Variants in CFAP77 observed in about 807,000 individuals in gnomAD.
CFAP77 encodes the protein cilia and flagella associated protein 77, also known as cilia- and flagella-associated protein 77.
CFAP77 carries 25 observed loss-of-function variants against 31.1 expected under a neutral mutation model. The observed-to-expected ratio is 0.80, with a 90% CI of 0.59 to 1.12. The LOEUF (loss-of-function observed/expected upper bound fraction) is 1.12. Ranked by LOEUF, CFAP77 falls within the 50% of genes most tolerant of loss-of-function variation. CFAP77 has a pLI of 0.00. For missense variants in CFAP77, 377 were observed against 397.3 expected (o/e 0.95, Z 0.44); for synonymous variants, 151 against 159.9 (o/e 0.94, Z 0.42).
At position 132,497,295 on chromosome 9, in the gene CFAP77, A is replaced by T. The variant is rs1036146553; in HGVS notation, c.196-1400A>T. ...CTTGACCATCTGTCTACCTCTCAGC[A>T]CCCAGCCTGTGGGAGCTGGAGAGAG... On this transcript the variant is annotated intron_variant, in intron 1 of 5. Transcript: ENST00000393216. This position sits in a 1 kb window ranked among gnomAD's most constrained non-coding sequence, Gnocchi z 4.9. Among the ~76,000 whole-genome samples the T allele has an allele frequency of 2.6e-5, 4 of 152,058 alleles. No individual in the cohort carries two copies. The highest frequency in any genetic ancestry group is 9.7e-5 in the African/African-American group (4 of 41,388).
chr9:132,460,876 C>A (rs1321034629), intron 1 of CFAP77, among the ~76,000 whole-genome samples: 1 of 152,092 alleles, frequency 6.6e-6, no homozygotes, highest in Non-Finnish European at 1.5e-5. Context: ...CAGGTGCCCG[C>A]CACCACGCCC....
intron 5 of CFAP77, among the ~76,000 whole-genome samples, chr9:132,550,288 T>G (rs1488127796): frequency 6.6e-6 from 1 of 152,210 alleles, no homozygotes; most frequent in South Asian, 2.1e-4. Flanking sequence ...ATCACCAGAA[T>G]CGATGAGTAA....
chr9:132,436,381 A>G (rs1850504208), intron 1 of CFAP77, among the ~76,000 whole-genome samples: 1 of 152,136 alleles, frequency 6.6e-6, no homozygotes, highest in African/African-American at 2.4e-5. Flanking sequence ...ATCATCCAGG[A>G]TGATCTCATC....
In CFAP77 at chr9:132,420,590, G is replaced by A. The variant is rs1589839598; in HGVS notation, c.195+10124G>A. 3.3e-5 allele frequency among the ~76,000 whole-genome samples: 5 copies of A among 152,020 alleles called. No individual in the cohort carries two copies. The South Asian group carries it at 1.0e-3, about 32-fold the overall frequency. Reference sequence around the variant, plus strand: ...GCAGGAGAATTGCTTGAACCCAGGAGGTAGAGGTTGCAGTGAGCCAAGATC... The same window carrying A: ...GCAGGAGAATTGCTTGAACCCAGGAAGTAGAGGTTGCAGTGAGCCAAGATC... On this transcript the variant is annotated intron_variant, in intron 1 of 5. Transcript: ENST00000393216.
Position 132,539,174 on chromosome 9 carries a change from T to A in CFAP77, c.630+1468T>A, listed in dbSNP as rs915411092. On this transcript the variant is annotated intron_variant, in intron 4 of 5. Coordinates refer to ENST00000393216, the MANE Select transcript of CFAP77 (RefSeq NM_001282957.2). This position sits in a 1 kb window ranked among gnomAD's most constrained non-coding sequence, Gnocchi z 4.3. ...AACTCGAGCTTTCAGAGAGATCAGA[T>A]TGGCCTCCTCGGCAGTAGGTCCAGA... Among the ~76,000 whole-genome samples the A allele has an allele frequency of 6.6e-6, 1 of 152,194 alleles. No homozygotes were observed. Among genetic ancestry groups the A allele is most frequent in the Admixed American group, 6.6e-5 (1 of 15,266 alleles).
chr9:132,471,286 G>A (rs1180489396), intron 1 of CFAP77, among the ~76,000 whole-genome samples: 2 of 152,194 alleles, frequency 1.3e-5, no homozygotes, highest in African/African-American at 2.4e-5. Flanking sequence ...AGAAGGTCCC[G>A]TAGAATAATC....
intron 1 of CFAP77, among the ~76,000 whole-genome samples, chr9:132,470,887 A>G (rs1851242266): frequency 6.6e-6 from 1 of 152,218 alleles, no homozygotes; most frequent in South Asian, 2.1e-4. Flanking sequence ...CTAAGGCACT[A>G]GAATCACTTG....
intron 1 of CFAP77, among the ~76,000 whole-genome samples, chr9:132,444,277 C>T (rs1403509940): frequency 6.6e-6 from 1 of 152,232 alleles, no homozygotes; most frequent in Non-Finnish European, 1.5e-5. Context: ...CCAAGCAAAC[C>T]TAGAGCCACC....
Position 132,498,435 on chromosome 9 carries a change from A to G in CFAP77, c.196-260A>G, listed in dbSNP as rs1055150509. Among the ~76,000 whole-genome samples, 1 of 152,044 alleles carries G rather than the reference A, an allele frequency of 6.6e-6. No individual in the cohort carries two copies. Among genetic ancestry groups the G allele is most frequent in the Non-Finnish European group, 1.5e-5 (1 of 68,000 alleles). On this transcript the variant is annotated intron_variant, in intron 1 of 5. Transcript: ENST00000393216. This position sits in a 1 kb window ranked among gnomAD's most constrained non-coding sequence, Gnocchi z 4.2. ...CTCCCCACTCCAACAATACACATGT[A>G]CCGAGAGGCCCCCCGTCTCTGATGT...
Position 132,481,564 on chromosome 9 carries a change from C to T in CFAP77, c.196-17131C>T, listed in dbSNP as rs1851447177. On this transcript the variant is annotated intron_variant, in intron 1 of 5. Coordinates refer to ENST00000393216, the MANE Select transcript of CFAP77 (RefSeq NM_001282957.2). This position sits in a 1 kb window ranked among gnomAD's most constrained non-coding sequence, Gnocchi z 5.0. ...TGCTAGAGGAGGAGAAGCATTGCTG[C>T]TGAGGCCTCTGCATCATCTGCCCTA... Among the ~76,000 whole-genome samples the T allele has an allele frequency of 6.6e-6, 1 of 152,170 alleles. No homozygotes were observed. The highest frequency in any genetic ancestry group is 2.1e-4 in the South Asian group (1 of 4,830).
chr9:132,443,644 A>T (rs931643841), intron 1 of CFAP77, among the ~76,000 whole-genome samples: 21 of 152,334 alleles, frequency 1.4e-4, no homozygotes, highest in Admixed American at 7.8e-4. Flanking sequence ...AACAATGCTC[A>T]GTTTGGATTA....
chr9:132,529,670 C>G (rs374387826), intron 3 of CFAP77, among the ~76,000 whole-genome samples: 38 of 151,754 alleles, frequency 2.5e-4, no homozygotes, highest in African/African-American at 8.9e-4. Flanking sequence ...ACTAAAAATG[C>G]AAAATATTAG....
chr9:132,499,493 G>A lies in CFAP77; in HGVS notation c.417G>A (p.Leu139=), dbSNP rs1351033290. Reference sequence around the variant, plus strand: ...GCCTGGTGACTGCCCGGGAGAACTTGCTCTACCGTCAGCTCAATGACATCC... The same window carrying A: ...GCCTGGTGACTGCCCGGGAGAACTTACTCTACCGTCAGCTCAATGACATCC... ...KAGLVTAREN[L]LYRQLNDIRI... Residue 139 remains leucine (L), a synonymous_variant, in exon 3 of 6, where the codon TTG becomes TTA. Transcript: ENST00000393216. The surrounding 1 kb of genome is among the most constrained non-coding windows in gnomAD (Gnocchi z 5.4). The A allele has an allele frequency of 1.9e-6, 3 of 1,614,084 alleles. No individual in the cohort carries two copies. Among genetic ancestry groups the A allele is most frequent in the Non-Finnish European group, 1.7e-6 (2 of 1,180,050 alleles).
chr9:132,444,257 G>T (rs1210530111), intron 1 of CFAP77, among the ~76,000 whole-genome samples: 1 of 152,236 alleles, frequency 6.6e-6, no homozygotes, highest in Non-Finnish European at 1.5e-5. Flanking sequence ...GCTCAGATGG[G>T]GTTTTCCAGC....
At chr9:132,563,719 G>A (rs1197329534) in intron 5 of CFAP77, among the ~76,000 whole-genome samples, 1 of 152,202 alleles carries the variant, frequency 6.6e-6, no homozygotes, top group Non-Finnish European at 1.5e-5. Flanking sequence ...TAAAGAGGTT[G>A]TACGAATGAA....
chr9:132,474,498 G>T, intron 1 of CFAP77, among the ~76,000 whole-genome samples: 1 of 152,148 alleles, frequency 6.6e-6, no homozygotes, highest in East Asian at 1.9e-4. Flanking sequence ...AGTATGCAGG[G>T]ATCAAAGGCC....
chr9:132,558,985 G>C (rs1298257200), intron 5 of CFAP77, among the ~76,000 whole-genome samples: 1 of 151,898 alleles, frequency 6.6e-6, no homozygotes, highest in Non-Finnish European at 1.5e-5. Context: ...TTGCACTCCA[G>C]CCTAGGTGAC....
chr9:132,412,338 G>A (rs1220090350), intron 1 of CFAP77, among the ~76,000 whole-genome samples: 1 of 152,234 alleles, frequency 6.6e-6, no homozygotes. Flanking sequence ...CAGCCAGGGG[G>A]CAGCCTTTAC....
chr9:132,564,267 T>C lies in CFAP77; in HGVS notation c.733-8121T>C, dbSNP rs1829858380. 6.6e-6 allele frequency among the ~76,000 whole-genome samples: 1 copy of C among 152,226 alleles called. No homozygotes were observed. The highest frequency in any genetic ancestry group is 2.4e-5 in the African/African-American group (1 of 41,454). On this transcript the variant is annotated intron_variant, in intron 5 of 5. Transcript: ENST00000393216. This position sits in a 1 kb window ranked among gnomAD's most constrained non-coding sequence, Gnocchi z 4.6. The stretch of plus-strand genomic sequence containing the variant: ...AGCCTCAACCCAGGTCCCATGGACA[T>C]CTTCTCTAGGATAGCACCAGTTCAT...
Sources: gnomAD v4.1 joint callset for allele counts (sites outside exome capture counted in the v4.1 genomes callset) on GRCh38, gnomAD v4.1.1 for gene constraint, Gnocchi (gnomAD v3.1) non-coding constraint, MANE v1.5 for transcripts, NCBI Gene and HGNC (gene_info 2026-07-23, HGNC 2026-07-21) for gene names.